Variants in TBC1D14 observed in about 807,000 individuals in gnomAD.
TBC1D14 encodes the protein TBC1 domain family member 14.
A neutral mutation model predicts 79.0 loss-of-function variants in TBC1D14; 26 were observed. The observed-to-expected ratio is 0.33, with a 90% CI of 0.24 to 0.46. The LOEUF is 0.46. Among genes scored for constraint, TBC1D14 ranks in the 20% least tolerant of loss-of-function variants. The pLI is 1.00. For missense variants in TBC1D14, 769 were observed against 887.6 expected, an observed-to-expected ratio of 0.87 and a Z score of 1.70; for synonymous variants, 394 against 349.9, an observed-to-expected ratio of 1.13 and a Z score of -1.40.
At chr4:6,958,040 T>A (rs544467495) in intron 2 of TBC1D14, among the ~76,000 whole-genome samples, 27 of 151,838 alleles carry the variant, frequency 1.8e-4, no homozygotes, top group African/African-American at 6.3e-4. Flanking sequence ...CCTAGAAATA[T>A]AACTCAGCCC....
At chr4:6,938,208 G>A (rs932378426) in intron 2 of TBC1D14, among the ~76,000 whole-genome samples, 3 of 152,158 alleles carry the variant, frequency 2.0e-5, no homozygotes, top group Non-Finnish European at 4.4e-5. Flanking sequence ...GGGGAGGACC[G>A]TGGGGATCAG....
intron 2 of TBC1D14, among the ~76,000 whole-genome samples, chr4:6,936,282 C>T (rs563085498): frequency 6.6e-6 from 1 of 152,344 alleles, no homozygotes; most frequent in Admixed American, 6.5e-5. Flanking sequence ...AGTTTCACTG[C>T]CCCCAAATCC....
intron 2 of TBC1D14, among the ~76,000 whole-genome samples, chr4:6,948,798 C>G (rs1384418447): frequency 6.7e-6 from 1 of 149,894 alleles, no homozygotes; most frequent in Non-Finnish European, 1.5e-5. Context: ...CTCCCAGATT[C>G]AAGCGATTCT....
chr4:7,008,373 G>A (rs984540978), intron 9 of TBC1D14, among the ~76,000 whole-genome samples: 2 of 152,232 alleles, frequency 1.3e-5, no homozygotes, highest in African/African-American at 4.8e-5. Context: ...AGTTGAGGGG[G>A]AGAGTGGAGA....
chr4:6,941,508 C>A (rs1175098748), intron 2 of TBC1D14, among the ~76,000 whole-genome samples: 1 of 152,170 alleles, frequency 6.6e-6, no homozygotes, highest in Non-Finnish European at 1.5e-5. Flanking sequence ...TAAGTTCTTA[C>A]CACTTTATGT....
intron 1 of TBC1D14, chr4:6,910,245 G>A (rs1035906030): frequency 6.6e-6 from 1 of 152,060 alleles, no homozygotes; most frequent in Non-Finnish European, 1.5e-5. Flanking sequence ...TACGGAACTT[G>A]ACGAAAAGTT....
chr4:6,954,018 G>A (rs1008285815), intron 2 of TBC1D14, among the ~76,000 whole-genome samples: 3 of 151,800 alleles, frequency 2.0e-5, no homozygotes, highest in African/African-American at 7.3e-5. Context: ...CATGTGGTGC[G>A]GAGCCGTGTC....
chr4:6,968,060 T>G (rs1191237915), intron 3 of TBC1D14, among the ~76,000 whole-genome samples: 1 of 152,188 alleles, frequency 6.6e-6, no homozygotes, highest in African/African-American at 2.4e-5. Flanking sequence ...CTGCAGCTTC[T>G]CTTAGGCTGT....
chr4:6,914,205 T>C, intron 1 of TBC1D14, among the ~76,000 whole-genome samples: 1 of 151,960 alleles, frequency 6.6e-6, no homozygotes, highest in East Asian at 1.9e-4. Flanking sequence ...AAGTGTCCGC[T>C]TCTTCGGGTT....
At chr4:6,956,784 C>G (rs1259630392) in intron 2 of TBC1D14, among the ~76,000 whole-genome samples, 1 of 152,236 alleles carries the variant, frequency 6.6e-6, no homozygotes, top group Non-Finnish European at 1.5e-5. Flanking sequence ...TGTGCCTGAG[C>G]TGCCTGTGCG....
At chr4:6,910,812 G>C (rs992922897) in intron 1 of TBC1D14, among the ~76,000 whole-genome samples, 1 of 152,182 alleles carries the variant, frequency 6.6e-6, no homozygotes, top group Non-Finnish European at 1.5e-5. Context: ...TTTCTCTAGC[G>C]TGGAATTGGA....
intron 3 of TBC1D14, chr4:6,987,294 CCG>C: frequency 7.4e-7 from 1 of 1,359,702 alleles, no homozygotes; most frequent in Non-Finnish European, 9.5e-7. Context: ...GGCCGGCCCT[CCG>C]CTCGCTGGGC....
intron 2 of TBC1D14, among the ~76,000 whole-genome samples, chr4:6,930,516 G>A (rs1382791808): frequency 6.6e-6 from 1 of 152,198 alleles, no homozygotes; most frequent in East Asian, 1.9e-4. Flanking sequence ...TCTATGAGGG[G>A]GCCAGGCGCA....
intron 8 of TBC1D14, 74 bp from the exon 9 acceptor site, chr4:7,006,558 A>G: frequency 7.1e-7 from 1 of 1,408,804 alleles, no homozygotes; most frequent in Non-Finnish European, 9.9e-7. Flanking sequence ...TGTTCTTGTA[A>G]AACTTCAAAG....
At chr4:6,924,919 C>T (rs528752864) in intron 2 of TBC1D14, among the ~76,000 whole-genome samples, 14 of 152,222 alleles carry the variant, frequency 9.2e-5, no homozygotes, top group African/African-American at 3.1e-4. Context: ...TGGACACCTT[C>T]GTCACACAAG....
intron 13 of TBC1D14, among the ~76,000 whole-genome samples, chr4:7,025,705 C>A (rs796592599): frequency 3.9e-5 from 6 of 152,248 alleles, no homozygotes; most frequent in African/African-American, 9.6e-5. Flanking sequence ...GGGATTACCC[C>A]CCTCTTACAA....
intron 2 of TBC1D14, among the ~76,000 whole-genome samples, chr4:6,926,958 A>G (rs773206651): frequency 6.6e-6 from 1 of 152,168 alleles, no homozygotes; most frequent in African/African-American, 2.4e-5. Context: ...TCCTCAGTGA[A>G]TCAGTCTCTG....
intron 2 of TBC1D14, among the ~76,000 whole-genome samples, chr4:6,949,761 GT>G (rs544014621): frequency 4.2e-4 from 57 of 136,598 alleles, no homozygotes; most frequent in Admixed American, 5.1e-4. Flanking sequence ...TTTTGTTTTT[GT>G]TTTTTTTTTT....
At chr4:6,967,784 G>A (rs186255762) in intron 3 of TBC1D14, among the ~76,000 whole-genome samples, 24 of 152,312 alleles carry the variant, frequency 1.6e-4, no homozygotes, top group Admixed American at 1.1e-3. Context: ...GCTTTCTCCC[G>A]TGGGTTTCTT....
Sources: allele counts gnomAD v4.1 joint callset (sites outside exome capture counted in the v4.1 genomes callset), GRCh38; gene constraint gnomAD v4.1.1; transcripts MANE v1.5; gene names NCBI Gene and HGNC (gene_info 2026-07-23, HGNC 2026-07-21).